The following MTUS2 variants were observed in gnomAD, a reference collection of about 807,000 sequenced individuals.
The protein encoded by MTUS2 is microtubule associated scaffold protein 2.
Under a neutral mutation model 114.1 loss-of-function variants are expected in MTUS2, and 40 were observed. The observed-to-expected ratio is 0.35, with a 90% CI of 0.27 to 0.46. The LOEUF (loss-of-function observed/expected upper bound fraction) is 0.46, where lower values mean the gene tolerates loss of function less well. MTUS2 is among the 20% of genes least tolerant of loss of function. The pLI is 1.00. For synonymous variants in MTUS2, 688 were observed against 672.0 expected, an observed-to-expected ratio of 1.02 and a Z score of -0.37; for missense variants, 1,679 against 1,705.4, an observed-to-expected ratio of 0.98 and a Z score of 0.27.
intron 8 of MTUS2, among the ~76,000 whole-genome samples, chr13:29,435,482 G>T (rs548929046): frequency 1.3e-5 from 2 of 152,152 alleles, no homozygotes; most frequent in Non-Finnish European, 2.9e-5. Flanking sequence ...GGAATGGAGG[G>T]GAGTAATGAC....
intron 8 of MTUS2, among the ~76,000 whole-genome samples, chr13:29,387,373 A>G (rs1489789519): frequency 6.6e-6 from 1 of 152,186 alleles, no homozygotes; most frequent in South Asian, 2.1e-4. Context: ...GAAGGCCTCT[A>G]AGAGCCTAAG....
In MTUS2 at chr13:29,410,735, A is replaced by T. The variant is rs536651324; in HGVS notation, c.3118-29248A>T. Among the ~76,000 whole-genome samples the T allele has an allele frequency of 2.6e-5, 4 of 152,310 alleles. No homozygotes were observed. In the South Asian group the frequency reaches 6.2e-4, roughly 24 times the overall value. ...TTTCCTCATCCAAACTTATAAAAAAATTATATAGTCACATTTATTAGTTTT... is the reference window on the plus strand; with the variant it reads ...TTTCCTCATCCAAACTTATAAAAAATTTATATAGTCACATTTATTAGTTTT... On this transcript the variant is annotated intron_variant, in intron 8 of 15. Coordinates refer to ENST00000612955, the MANE Select transcript of MTUS2 (RefSeq NM_001033602.4).
chr13:29,309,499 T>C (rs1407924318), intron 6 of MTUS2, among the ~76,000 whole-genome samples: 1 of 152,130 alleles, frequency 6.6e-6, no homozygotes, highest in Non-Finnish European at 1.5e-5. Context: ...ACCTAGGTGA[T>C]GGGATGGTTT....
At chr13:28,849,385 C>G (rs1876100795) in intron 2 of MTUS2, among the ~76,000 whole-genome samples, 1 of 152,164 alleles carries the variant, frequency 6.6e-6, no homozygotes, top group Non-Finnish European at 1.5e-5. Flanking sequence ...CAGAGCTGAA[C>G]AGGCAAAAAC....
At chr13:29,299,383 C>T (rs184870681) in intron 6 of MTUS2, among the ~76,000 whole-genome samples, 7 of 152,292 alleles carry the variant, frequency 4.6e-5, no homozygotes, top group African/African-American at 1.2e-4. Context: ...ATATTAATTG[C>T]GTACCCTCTT....
chr13:28,871,197 T>C (rs945793999), intron 2 of MTUS2, among the ~76,000 whole-genome samples: 1 of 152,196 alleles, frequency 6.6e-6, no homozygotes, highest in African/African-American at 2.4e-5. Flanking sequence ...ATTAAATATT[T>C]CTTAACTTCT....
intron 9 of MTUS2, among the ~76,000 whole-genome samples, chr13:29,442,783 A>G (rs1877987256): frequency 6.6e-6 from 1 of 152,220 alleles, no homozygotes. Flanking sequence ...TCAGTGGCCG[A>G]GAGACTTGAG....
chr13:28,906,746 A>G (rs1455456930), intron 2 of MTUS2, among the ~76,000 whole-genome samples: 2 of 151,426 alleles, frequency 1.3e-5, no homozygotes, highest in African/African-American at 4.9e-5. Context: ...TTTGGGGTGG[A>G]GAGTTCTGTA....
At chr13:29,421,746 A>G (rs1051258475) in intron 8 of MTUS2, among the ~76,000 whole-genome samples, 2 of 152,242 alleles carry the variant, frequency 1.3e-5, no homozygotes, top group African/African-American at 4.8e-5. Flanking sequence ...ATGAAATCAC[A>G]GAGAAAGAGG....
At chr13:29,096,919 G>C (rs1890201535) in intron 4 of MTUS2, among the ~76,000 whole-genome samples, 1 of 152,116 alleles carries the variant, frequency 6.6e-6, no homozygotes, top group Non-Finnish European at 1.5e-5. Context: ...GTATTGTTTG[G>C]CTTGCTGTGC....
intron 4 of MTUS2, among the ~76,000 whole-genome samples, chr13:29,094,360 C>T (rs568929797): frequency 2.7e-5 from 4 of 150,476 alleles, no homozygotes; most frequent in Admixed American, 1.3e-4. Flanking sequence ...TTTTTTATTT[C>T]TAATTCAATC....
intron 5 of MTUS2, among the ~76,000 whole-genome samples, chr13:29,137,288 T>G (rs1165993672): frequency 6.6e-6 from 1 of 152,192 alleles, no homozygotes; most frequent in Non-Finnish European, 1.5e-5. Context: ...TATCTCTGTC[T>G]TTTAACAGTT....
intron 2 of MTUS2, among the ~76,000 whole-genome samples, chr13:28,918,716 C>G (rs1587165): frequency 0.13 from 19,310 of 151,878 alleles, 1,469 homozygotes; most frequent in African/African-American, 0.2. Context: ...TGCTATTTTG[C>G]TGTTTGGTTT....
chr13:29,078,009 G>T (rs1889273403), intron 4 of MTUS2, among the ~76,000 whole-genome samples: 1 of 151,988 alleles, frequency 6.6e-6, no homozygotes, highest in African/African-American at 2.4e-5. Flanking sequence ...TCTTTTAAAA[G>T]AAAAATGATA....
intron 8 of MTUS2, among the ~76,000 whole-genome samples, chr13:29,438,838 A>T (rs1328115554): frequency 6.6e-6 from 1 of 152,204 alleles, no homozygotes; most frequent in Non-Finnish European, 1.5e-5. Flanking sequence ...GAATATTATG[A>T]CACAGCTTAG....
At chr13:28,918,832 T>A (rs1880888123) in intron 2 of MTUS2, among the ~76,000 whole-genome samples, 1 of 152,048 alleles carries the variant, frequency 6.6e-6, no homozygotes, top group South Asian at 2.1e-4. Context: ...AATTTGTGTG[T>A]ATATGTTATT....
intron 5 of MTUS2, among the ~76,000 whole-genome samples, chr13:29,193,273 A>G (rs901123953): frequency 2.0e-5 from 3 of 151,962 alleles, no homozygotes; most frequent in Non-Finnish European, 2.9e-5. Context: ...AAAGGGGGAG[A>G]GTAGTAGTAA....
chr13:29,166,380 T>A (rs1321203213), intron 5 of MTUS2, among the ~76,000 whole-genome samples: 1 of 152,158 alleles, frequency 6.6e-6, no homozygotes, highest in Non-Finnish European at 1.5e-5. Context: ...CAACACACCT[T>A]CTTGAACAGG....
At chr13:29,112,583 G>C (rs1890924227) in intron 5 of MTUS2, among the ~76,000 whole-genome samples, 1 of 152,146 alleles carries the variant, frequency 6.6e-6, no homozygotes, top group South Asian at 2.1e-4. Context: ...AGGAGAAGTT[G>C]GTTTGTTATG....
Sources: allele counts gnomAD v4.1 joint callset (sites outside exome capture counted in the v4.1 genomes callset), GRCh38; gene constraint gnomAD v4.1.1; transcripts MANE v1.5; gene names NCBI Gene and HGNC (gene_info 2026-07-23, HGNC 2026-07-21).